The following COL13A1 variants were observed in gnomAD, a reference collection of about 807,000 sequenced individuals.
COL13A1 encodes the protein collagen type XIII alpha 1 chain.
In COL13A1, 89 loss-of-function variants were observed where a neutral mutation model predicts 130.9. The observed-to-expected ratio is 0.68, with a 90% CI of 0.57 to 0.81. The LOEUF (loss-of-function observed/expected upper bound fraction) is 0.81, where lower values mean the gene tolerates loss of function less well. Ranked by LOEUF, COL13A1 falls within the 30% of genes least tolerant of loss-of-function variation. COL13A1 has a pLI of 0.00. For missense variants in COL13A1, 879 were observed against 934.6 expected, an observed-to-expected ratio of 0.94 and a Z score of 0.78; for synonymous variants, 402 against 341.6, an observed-to-expected ratio of 1.18 and a Z score of -1.95.
chr10:69,906,404 C>T (rs1332987939), intron 17 of COL13A1, among the ~76,000 whole-genome samples: 1 of 152,104 alleles, frequency 6.6e-6, no homozygotes, highest in African/African-American at 2.4e-5. Flanking sequence ...TGGGAGGGGA[C>T]AAGATGGCCC....
chr10:69,819,785 G>T (rs564778489), intron 1 of COL13A1, among the ~76,000 whole-genome samples: 2 of 152,152 alleles, frequency 1.3e-5, no homozygotes, highest in Non-Finnish European at 2.9e-5. Context: ...AGAACCAGTG[G>T]CAGGGATCCA....
intron 17 of COL13A1, among the ~76,000 whole-genome samples, chr10:69,912,434 G>A (rs1001562620): frequency 2.0e-5 from 3 of 152,128 alleles, no homozygotes; most frequent in African/African-American, 7.2e-5. Context: ...TTCCCGGAAG[G>A]AAGACCTGGG....
intron 12 of COL13A1, 61 bp from the exon 13 acceptor site, chr10:69,895,489 T>A: frequency 4.4e-6 from 7 of 1,578,978 alleles, no homozygotes; most frequent in Non-Finnish European, 6.1e-6. Context: ...GGGGGTGCCC[T>A]GAGAAACAGG....
intron 2 of COL13A1, among the ~76,000 whole-genome samples, chr10:69,864,420 GCTTT>G (rs976707115): frequency 6.6e-6 from 1 of 152,146 alleles, no homozygotes; most frequent in Non-Finnish European, 1.5e-5. Flanking sequence ...AATTTCTCCA[GCTTT>G]CTAACATAGG....
At chr10:69,829,471 A>T (rs1848290570) in intron 2 of COL13A1, among the ~76,000 whole-genome samples, 1 of 152,140 alleles carries the variant, frequency 6.6e-6, no homozygotes, top group South Asian at 2.1e-4. Context: ...GTCTGACCAC[A>T]TTTGGAGTAA....
chr10:69,836,319 G>A (rs1850045192), intron 2 of COL13A1, among the ~76,000 whole-genome samples: 1 of 152,058 alleles, frequency 6.6e-6, no homozygotes, highest in African/African-American at 2.4e-5. Flanking sequence ...GCCCTGGGAG[G>A]CCGGCCCCAA....
At position 69,916,647 on chromosome 10, in the gene COL13A1, C is replaced by T. The variant is rs1468519370; in HGVS notation, c.922-642C>T. 6.6e-5 allele frequency among the ~76,000 whole-genome samples: 10 copies of T among 152,146 alleles called. No homozygotes were observed. The East Asian group carries it at 1.7e-3, about 26-fold the overall frequency. On this transcript the variant is annotated intron_variant, in intron 17 of 40. Coordinates refer to ENST00000645393, the MANE Select transcript of COL13A1 (RefSeq NM_001368882.1). The stretch of plus-strand genomic sequence containing the variant: ...GGGCAGTGCCACGATGGTAGAGCGA[C>T]CCCATGCTGTCCCAGAGGAGCAACA...
At chr10:69,806,467 T>A (rs1841613724) in intron 1 of COL13A1, among the ~76,000 whole-genome samples, 1 of 152,184 alleles carries the variant, frequency 6.6e-6, no homozygotes, top group Non-Finnish European at 1.5e-5. Context: ...AGAGCCGGGA[T>A]TGGAGGATGG....
intron 7 of COL13A1, among the ~76,000 whole-genome samples, chr10:69,880,920 A>G (rs569463911): frequency 6.6e-6 from 1 of 152,332 alleles, no homozygotes; most frequent in Non-Finnish European, 1.5e-5. Context: ...CTGGAAGCCC[A>G]TGGAGCAGAT....
intron 8 of COL13A1, among the ~76,000 whole-genome samples, chr10:69,888,062 T>C (rs1306331710): frequency 6.6e-6 from 1 of 152,160 alleles, no homozygotes; most frequent in African/African-American, 2.4e-5. Flanking sequence ...AGGCCACCCA[T>C]TGGGTTCTCT....
At chr10:69,842,386 G>A (rs1180240837) in intron 2 of COL13A1, among the ~76,000 whole-genome samples, 1 of 152,084 alleles carries the variant, frequency 6.6e-6, no homozygotes, top group Non-Finnish European at 1.5e-5. Context: ...TATCAGAAGC[G>A]GTAAAAACGG....
At chr10:69,933,903 C>G (rs1565111514) in intron 31 of COL13A1, among the ~76,000 whole-genome samples, 1 of 152,088 alleles carries the variant, frequency 6.6e-6, no homozygotes, top group East Asian at 1.9e-4. Flanking sequence ...TTCACTCCAC[C>G]CAGTGAATAG....
intron 1 of COL13A1, among the ~76,000 whole-genome samples, chr10:69,815,990 C>A (rs988396712): frequency 3.3e-5 from 5 of 151,530 alleles, no homozygotes; most frequent in Admixed American, 6.6e-5. Flanking sequence ...AACAGCAAGC[C>A]AGGTAGGTAG....
At chr10:69,952,347 T>G (rs2069715855) in intron 38 of COL13A1, among the ~76,000 whole-genome samples, 1 of 152,194 alleles carries the variant, frequency 6.6e-6, no homozygotes, top group Admixed American at 6.5e-5. Flanking sequence ...ACCTGTATAC[T>G]CATACATACA....
chr10:69,868,028 C>T (rs2058696564), intron 3 of COL13A1, among the ~76,000 whole-genome samples: 1 of 151,806 alleles, frequency 6.6e-6, no homozygotes, highest in African/African-American at 2.4e-5. Context: ...TGGCTGCCCC[C>T]AGGGCAAAGC....
chr10:69,882,243 G>A (rs1310797102), intron 7 of COL13A1, among the ~76,000 whole-genome samples: 1 of 152,164 alleles, frequency 6.6e-6, no homozygotes, highest in Non-Finnish European at 1.5e-5. Context: ...TCTGCCTTCT[G>A]GTCTGGCTAC....
chr10:69,856,871 G>A (rs905457023), intron 2 of COL13A1, among the ~76,000 whole-genome samples: 1 of 152,168 alleles, frequency 6.6e-6, no homozygotes, highest in South Asian at 2.1e-4. Flanking sequence ...GTTCAAGTGT[G>A]GAGACTCCAG....
intron 1 of COL13A1, among the ~76,000 whole-genome samples, chr10:69,812,627 C>T (rs1843353112): frequency 6.6e-6 from 1 of 152,200 alleles, no homozygotes; most frequent in Non-Finnish European, 1.5e-5. Context: ...TTGCAGGTTA[C>T]TTGGCCCCTC....
intron 27 of COL13A1, among the ~76,000 whole-genome samples, chr10:69,927,719 A>G (rs2065560968): frequency 1.3e-5 from 2 of 152,164 alleles, no homozygotes; most frequent in African/African-American, 4.8e-5. Context: ...CAATTCACCT[A>G]ATATTTTTTC....
Sources: gnomAD v4.1 joint callset for allele counts (sites outside exome capture counted in the v4.1 genomes callset) on GRCh38, gnomAD v4.1.1 for gene constraint, MANE v1.5 for transcripts, NCBI Gene and HGNC (gene_info 2026-07-23, HGNC 2026-07-21) for gene names.